The following GABRB3 variants were observed in gnomAD, a reference collection of about 807,000 sequenced individuals.
GABRB3 encodes gamma-aminobutyric acid receptor subunit beta-3.
GABRB3 carries 14 observed loss-of-function variants against 52.1 expected under a neutral mutation model. The observed-to-expected ratio is 0.27, with a 90% confidence interval of 0.18 to 0.42. GABRB3 has a LOEUF of 0.42. GABRB3 is among the 10% of genes least tolerant of loss of function. The probability of loss-of-function intolerance (pLI) is 1.00; values close to 1 mark genes in which losing one functional copy is unlikely to be tolerated. For synonymous variants in GABRB3, 260 were observed against 232.3 expected (o/e 1.12, Z -1.08); for missense variants, 307 against 609.1 (o/e 0.50, Z 5.22).
chr15:26,714,102 G>A (rs559467351), intron 3 of GABRB3, among the ~76,000 whole-genome samples: 9 of 152,346 alleles, frequency 5.9e-5, no homozygotes, highest in Non-Finnish European at 7.3e-5. Context: ...GAAAACAGCC[G>A]AGGAAGGTGT....
At chr15:26,557,467 G>A (rs1175469394) in intron 8 of GABRB3, 1 of 152,174 alleles carries the variant, frequency 6.6e-6, no homozygotes, top group Non-Finnish European at 1.5e-5. Flanking sequence ...GTTAGGTTGT[G>A]TATACAGTAC....
At chr15:26,714,208 A>T (rs1304750019) in intron 3 of GABRB3, among the ~76,000 whole-genome samples, 1 of 152,230 alleles carries the variant, frequency 6.6e-6, no homozygotes, top group East Asian at 1.9e-4. Flanking sequence ...GTGTCCCTGC[A>T]TTGGGGTCGG....
At chr15:26,567,473 G>T (rs2140696238) in intron 7 of GABRB3, 108 bp downstream of exon 7, 1 of 1,020,700 alleles carries the variant, frequency 9.8e-7, no homozygotes, top group Non-Finnish European at 1.5e-6. Flanking sequence ...GGCAATGCTT[G>T]TGTCACGCTG....
intron 4 of GABRB3, chr15:26,615,304 G>A (rs1892214298): frequency 4.1e-6 from 4 of 985,258 alleles, no homozygotes; most frequent in African/African-American, 1.7e-5. Context: ...AAATTGTCAA[G>A]GATTTATGTT....
chr15:26,662,175 A>G (rs1204699840), intron 3 of GABRB3, among the ~76,000 whole-genome samples: 2 of 152,216 alleles, frequency 1.3e-5, no homozygotes, highest in Non-Finnish European at 2.9e-5. Context: ...CAGCTGATCT[A>G]TACTTATCCT....
chr15:26,602,317 C>G (rs2030785637), intron 4 of GABRB3, among the ~76,000 whole-genome samples: 1 of 152,128 alleles, frequency 6.6e-6, no homozygotes, highest in Non-Finnish European at 1.5e-5. Context: ...TCACTAAAGA[C>G]TTCAACAAGC....
chr15:26,579,102 G>A (rs1156953520), intron 6 of GABRB3, among the ~76,000 whole-genome samples: 2 of 152,208 alleles, frequency 1.3e-5, no homozygotes, highest in East Asian at 1.9e-4. Context: ...GGGTGGAGAG[G>A]AGGGAACGTT....
chr15:26,770,683 C>T (rs577282688), intron 3 of GABRB3, among the ~76,000 whole-genome samples: 18 of 152,222 alleles, frequency 1.2e-4, no homozygotes, highest in Non-Finnish European at 2.1e-4. Context: ...CACCTGCCAT[C>T]CTCTGACATA....
At chr15:26,638,516 G>A (rs1333223793) in intron 3 of GABRB3, among the ~76,000 whole-genome samples, 1 of 152,164 alleles carries the variant, frequency 6.6e-6, no homozygotes, top group East Asian at 1.9e-4. Flanking sequence ...ACCCATTTCT[G>A]GCTGAAGGCC....
intron 3 of GABRB3, among the ~76,000 whole-genome samples, chr15:26,673,476 G>A (rs191264328): frequency 1.1e-4 from 17 of 152,180 alleles, no homozygotes; most frequent in African/African-American, 4.1e-4. Flanking sequence ...CTAAAATTTC[G>A]CTTCATCCCC....
At chr15:26,734,223 G>C (rs981124658) in intron 3 of GABRB3, among the ~76,000 whole-genome samples, 6 of 151,696 alleles carry the variant, frequency 4.0e-5, no homozygotes, top group African/African-American at 1.5e-4. Context: ...TACAGATGGG[G>C]TTTCTTCACG....
intron 4 of GABRB3, among the ~76,000 whole-genome samples, chr15:26,618,904 AAC>A (rs59003913): frequency 0.17 from 24,989 of 148,116 alleles, 2,089 homozygotes; most frequent in African/African-American, 0.24. Context: ...GCAGCCAAAA[AAC>A]ACATGAAAAA....
intron 4 of GABRB3, among the ~76,000 whole-genome samples, chr15:26,603,998 T>C (rs1455176761): frequency 2.0e-5 from 3 of 152,144 alleles, no homozygotes; most frequent in Non-Finnish European, 4.4e-5. Flanking sequence ...TGTTTGCAGA[T>C]GGTATAATCT....
rs562327507 is a variant in GABRB3 at position 26,543,851 on chromosome 15, T to C, written c.*3942A>G. ...CAAAACATGTTCATGGGGTTGGTCC[T>C]AGGGAGAGGCATACGGGAGCCACTC... On this transcript the variant is annotated 3_prime_UTR_variant, in exon 9 of 9. Coordinates refer to ENST00000311550, the MANE Select transcript of GABRB3 (RefSeq NM_000814.6). 6.5e-6 allele frequency: 1 copy of C among 152,716 alleles called. No individual in the cohort carries two copies. The highest frequency in any genetic ancestry group is 2.4e-5 in the African/African-American group (1 of 41,574). The allele number at this position is 152,716 out of a possible 1,614,324, so 9.5% of individuals were successfully genotyped here.
intron 4 of GABRB3, among the ~76,000 whole-genome samples, chr15:26,618,841 T>C (rs1282243639): frequency 6.6e-6 from 1 of 151,582 alleles, no homozygotes; most frequent in African/African-American, 2.4e-5. Flanking sequence ...AACAATCCCA[T>C]CAAAAAGTGG....
At chr15:26,568,117 C>T (rs191767709) in intron 6 of GABRB3, among the ~76,000 whole-genome samples, 1 of 152,314 alleles carries the variant, frequency 6.6e-6, no homozygotes, top group East Asian at 1.9e-4. Flanking sequence ...GCAAGAAAGG[C>T]TTTTACCAGT....
At chr15:26,608,733 A>C (rs185111463) in intron 4 of GABRB3, among the ~76,000 whole-genome samples, 93 of 152,326 alleles carry the variant, frequency 6.1e-4, no homozygotes, top group African/African-American at 2.2e-3. Context: ...GGAAACACAA[A>C]TTGAAACTAC....
intron 8 of GABRB3, among the ~76,000 whole-genome samples, chr15:26,555,021 T>A (rs1019446001): frequency 9.9e-5 from 15 of 151,770 alleles, no homozygotes; most frequent in East Asian, 9.7e-4. Flanking sequence ...CTACTAAAAA[T>A]ATATATATAT....
intron 3 of GABRB3, among the ~76,000 whole-genome samples, chr15:26,746,006 T>C (rs1890328646): frequency 6.6e-6 from 1 of 152,222 alleles, no homozygotes; most frequent in Non-Finnish European, 1.5e-5. Flanking sequence ...GCAGATTTAA[T>C]TTTATAAGAA....
Sources: gnomAD v4.1 joint callset for allele counts (sites outside exome capture counted in the v4.1 genomes callset) on GRCh38, gnomAD v4.1.1 for gene constraint, MANE v1.5 for transcripts, NCBI Gene and HGNC (gene_info 2026-07-23, HGNC 2026-07-21) for gene names.